The following C10orf67 variants were observed in gnomAD, a reference collection of about 807,000 sequenced individuals.
C10orf67 encodes the protein chromosome 10 open reading frame 67.
In C10orf67, 60 loss-of-function variants were observed where a neutral mutation model predicts 35.6. The ratio of observed to expected loss-of-function variants is 1.68; its 90% CI spans 1.37 to 2.09. The LOEUF (loss-of-function observed/expected upper bound fraction) is 2.09, where lower values mean the gene tolerates loss of function less well. C10orf67 is among the 30% of genes most tolerant of loss of function. C10orf67 has a pLI of 0.00. For missense variants in C10orf67, 474 were observed against 330.2 expected (o/e 1.44, Z -3.38); for synonymous variants, 167 against 115.8 (o/e 1.44, Z -2.84).
chr10:23,264,934 T>C (rs1842847176), intron 10 of C10orf67, among the ~76,000 whole-genome samples: 1 of 152,244 alleles, frequency 6.6e-6, no homozygotes, highest in African/African-American at 2.4e-5. Context: ...CAGGTCAGCA[T>C]GCAGCATTGC....
At chr10:23,337,126 TATGA>T (rs562404120) in intron 1 of C10orf67, among the ~76,000 whole-genome samples, 18 of 152,194 alleles carry the variant, frequency 1.2e-4, no homozygotes, top group Admixed American at 3.9e-4. Flanking sequence ...TCCATACTGA[TATGA>T]ATGAATGAAT....
chr10:23,326,868 G>A (rs1339119700), intron 2 of C10orf67, among the ~76,000 whole-genome samples: 1 of 152,054 alleles, frequency 6.6e-6, no homozygotes, highest in Non-Finnish European at 1.5e-5. Context: ...GGGAAAGAAC[G>A]ATGAGCAAAG....
intron 4 of C10orf67, 93 bp downstream of exon 4, chr10:23,320,648 A>G (rs1049048136): frequency 7.3e-6 from 7 of 953,968 alleles, no homozygotes; most frequent in African/African-American, 1.6e-5. Context: ...AGCTGGAAAC[A>G]CAGACTGGGA....
At chr10:23,325,709 C>G (rs1024281750) in intron 2 of C10orf67, among the ~76,000 whole-genome samples, 2 of 149,398 alleles carry the variant, frequency 1.3e-5, no homozygotes, top group African/African-American at 4.9e-5. Flanking sequence ...AAATGTGATT[C>G]AGTCTCAAGA....
chr10:23,251,107 T>C (rs1588616503), intron 10 of C10orf67, among the ~76,000 whole-genome samples: 1 of 152,144 alleles, frequency 6.6e-6, no homozygotes, highest in African/African-American at 2.4e-5. Flanking sequence ...AAAAAAATTT[T>C]TTTTTCGAGA....
intron 15 of C10orf67, among the ~76,000 whole-genome samples, chr10:23,213,976 T>C (rs1457259861): frequency 6.6e-6 from 1 of 151,166 alleles, no homozygotes; most frequent in Admixed American, 6.6e-5. Context: ...ATATAAAAGA[T>C]CATAAAAATA....
Position 23,267,349 on chromosome 10 carries a change from GT to G in C10orf67, c.976-96del, listed in dbSNP as rs923474163. On this transcript the variant is annotated intron_variant, in intron 8 of 15. Transcript: ENST00000636213. ...CTTCTATAAGCAATGAAAGAGTAAC[GT>G]TTTAAACCATTTGTCTCCCAAAACG... The G allele has an allele frequency of 7.0e-6, 4 of 570,302 alleles. No individual in the cohort carries two copies. The Admixed American group carries it at 1.2e-4, about 17-fold the overall frequency. The allele number at this position is 570,302 out of a possible 1,614,324, so 35.3% of individuals were successfully genotyped here.
intron 8 of C10orf67, among the ~76,000 whole-genome samples, chr10:23,273,543 T>C (rs575979501): frequency 1.3e-5 from 2 of 152,286 alleles, no homozygotes; most frequent in South Asian, 4.1e-4. Context: ...TGGAATCTCA[T>C]TATCTAAATC....
At chr10:23,338,173 G>A (rs1405868143) in intron 1 of C10orf67, among the ~76,000 whole-genome samples, 1 of 152,204 alleles carries the variant, frequency 6.6e-6, no homozygotes, top group Non-Finnish European at 1.5e-5. Context: ...TACAGAGAAA[G>A]TAGTTAAATA....
chr10:23,331,236 A>T (rs867880504), intron 2 of C10orf67, among the ~76,000 whole-genome samples: 14 of 19,548 alleles, frequency 7.2e-4, no homozygotes, highest in Admixed American at 3.3e-3. Flanking sequence ...GGAGGAGGGA[A>T]GGGAAGGGAA....
chr10:23,282,702 G>A (rs1254476766), intron 7 of C10orf67, among the ~76,000 whole-genome samples: 1 of 151,992 alleles, frequency 6.6e-6, no homozygotes, highest in Non-Finnish European at 1.5e-5. Context: ...ATGGTGGCAT[G>A]TGCCTGTAAT....
At chr10:23,293,879 G>C (rs770914213) in intron 5 of C10orf67, among the ~76,000 whole-genome samples, 3 of 152,216 alleles carry the variant, frequency 2.0e-5, no homozygotes, top group African/African-American at 4.8e-5. Context: ...AGGAGCCTCA[G>C]CATCACCTGG....
chr10:23,270,796 A>G (rs544768729), intron 8 of C10orf67, among the ~76,000 whole-genome samples: 3 of 152,332 alleles, frequency 2.0e-5, no homozygotes, highest in African/African-American at 4.8e-5. Context: ...GTCTCCCACA[A>G]TGCAGCACAG....
intron 4 of C10orf67, among the ~76,000 whole-genome samples, chr10:23,315,674 C>T (rs2132320123): frequency 6.6e-6 from 1 of 152,248 alleles, no homozygotes; most frequent in Admixed American, 6.5e-5. Context: ...CTCCTGAGCC[C>T]AAGTGATCTG....
In C10orf67 at chr10:23,252,479, C is replaced by T. The variant is rs115674173; in HGVS notation, c.1201-1788G>A. The stretch of plus-strand genomic sequence containing the variant: ...CTTTTCTTGTTCTCTTTGTTCACTC[C>T]GTAAATATTTGCTGAATGCTTATGA... On this transcript the variant is annotated intron_variant, in intron 10 of 15. Coordinates refer to ENST00000636213, the MANE Select transcript of C10orf67 (RefSeq NM_001371909.1). Among the ~76,000 whole-genome samples the T allele has an allele frequency of 2.9e-3, 447 of 152,158 alleles. 3 individuals are homozygous for T. The highest frequency in any genetic ancestry group is 0.01 in the African/African-American group (417 of 41,510).
chr10:23,206,195 C>A (rs969515967), intron 15 of C10orf67, among the ~76,000 whole-genome samples: 1 of 152,146 alleles, frequency 6.6e-6, no homozygotes, highest in Non-Finnish European at 1.5e-5. Context: ...CCAATGGTTA[C>A]CCCTTTTCAA....
At chr10:23,321,577 C>CTGA (rs1202189416) in intron 3 of C10orf67, among the ~76,000 whole-genome samples, 2 of 152,176 alleles carry the variant, frequency 1.3e-5, no homozygotes, top group African/African-American at 4.8e-5. Context: ...AACTATCTGT[C>CTGA]TGACCTTAAG....
Position 23,330,977 on chromosome 10 carries a change from G to T in C10orf67, c.327+2085C>A, listed in dbSNP as rs145530239. 9.1e-3 allele frequency among the ~76,000 whole-genome samples: 1,351 copies of T among 147,780 alleles called. 9 individuals carry two copies. Among genetic ancestry groups the T allele is most frequent in the Middle Eastern group, 0.021 (6 of 284 alleles). Reference sequence around the variant, plus strand: ...AAGGAAAACCGGGAAGGGAAGGGGAGGGAAACTGGTAAGGGAGGGAAGGGG... The same window carrying T: ...AAGGAAAACCGGGAAGGGAAGGGGATGGAAACTGGTAAGGGAGGGAAGGGG... On this transcript the variant is annotated intron_variant, in intron 2 of 15. Transcript: ENST00000636213.
chr10:23,258,150 C>T (rs575814014), intron 10 of C10orf67: 50 of 153,022 alleles, frequency 3.3e-4, no homozygotes, highest in Middle Eastern at 3.4e-3. Flanking sequence ...CAACCATGGG[C>T]GAGCTCTTGG....
Sources: allele counts gnomAD v4.1 joint callset (sites outside exome capture counted in the v4.1 genomes callset), GRCh38; gene constraint gnomAD v4.1.1; transcripts MANE v1.5; gene names NCBI Gene and HGNC (gene_info 2026-07-23, HGNC 2026-07-21).